The following USP32 variants were observed in gnomAD, a reference collection of about 807,000 sequenced individuals.
The protein encoded by USP32 is ubiquitin specific peptidase 32.
In USP32, 59 loss-of-function variants were observed where a neutral mutation model predicts 204.8. That is an observed-to-expected ratio of 0.29 (90% CI 0.23 to 0.36). USP32 has a LOEUF of 0.36. Ranked by LOEUF, USP32 falls within the 10% of genes least tolerant of loss-of-function variation. The pLI is 1.00. For missense variants in USP32, 1,160 were observed against 1,946.4 expected (o/e 0.60, Z 7.60); for synonymous variants, 517 against 678.4 (o/e 0.76, Z 3.70).
chr17:60,304,821 T>TTAATAAACTCTTATTTTTA (rs1200697936), intron 2 of USP32: 2 of 152,228 alleles, frequency 1.3e-5, no homozygotes, highest in Non-Finnish European at 2.9e-5. Flanking sequence ...ATTGACCTCA[T>TTAATAAACTCTTATTTTTA]TAATAAACTC....
intron 1 of USP32, among the ~76,000 whole-genome samples, chr17:60,401,256 G>C (rs1009652481): frequency 3.3e-5 from 5 of 152,062 alleles, no homozygotes; most frequent in Non-Finnish European, 7.4e-5. Context: ...TGTAGTCCCA[G>C]CTACTCAGGA....
intron 13 of USP32, among the ~76,000 whole-genome samples, chr17:60,225,123 A>C (rs2085350403): frequency 6.6e-6 from 1 of 152,232 alleles, no homozygotes; most frequent in African/African-American, 2.4e-5. Flanking sequence ...TAAATAATTT[A>C]ATAGCAATAG....
chr17:60,368,776 C>T (rs2089370634), intron 1 of USP32, among the ~76,000 whole-genome samples: 1 of 152,012 alleles, frequency 6.6e-6, no homozygotes, highest in Admixed American at 6.6e-5. Context: ...GAAATGGCAA[C>T]ATTATTAAGT....
intron 1 of USP32, among the ~76,000 whole-genome samples, chr17:60,350,895 A>AT (rs879406912): frequency 2.1e-4 from 32 of 149,052 alleles, no homozygotes; most frequent in South Asian, 1.3e-3. Context: ...AAGCTATTGA[A>AT]TTTTTTTTTT....
chr17:60,224,620 A>G (rs1043790132), intron 13 of USP32, among the ~76,000 whole-genome samples: 4 of 152,170 alleles, frequency 2.6e-5, no homozygotes, highest in African/African-American at 9.7e-5. Flanking sequence ...CGTCTCTACA[A>G]AACAATTAAA....
chr17:60,393,192 T>C (rs915029352), upstream of USP32, among the ~76,000 whole-genome samples: 1 of 152,194 alleles, frequency 6.6e-6, no homozygotes, highest in Non-Finnish European at 1.5e-5. Flanking sequence ...AAGTATTTCC[T>C]CTGAGTGGAA....
At chr17:60,240,434 G>A in intron 11 of USP32, among the ~76,000 whole-genome samples, 1 of 151,974 alleles carries the variant, frequency 6.6e-6, no homozygotes. Flanking sequence ...GCAGAAGTGG[G>A]GAGAGGGAGA....
Position 60,206,815 on chromosome 17 carries a change from G to A in USP32, c.3037+206C>T, listed in dbSNP as rs527749048. 2.0e-5 allele frequency among the ~76,000 whole-genome samples: 3 copies of A among 152,176 alleles called. No homozygotes were observed. In the South Asian group the frequency reaches 6.2e-4, roughly 32 times the overall value. The stretch of plus-strand genomic sequence containing the variant: ...GAATTCCAAGGGTATATTAGCTAAC[G>A]ACTACCTATCTAACTGAAGTCACTT... On this transcript the variant is annotated intron_variant, in intron 25 of 33. Coordinates refer to ENST00000300896, the MANE Select transcript of USP32 (RefSeq NM_032582.4).
intron 6 of USP32, 109 bp downstream of exon 6, chr17:60,271,241 A>T: frequency 1.4e-6 from 2 of 1,397,812 alleles, no homozygotes; most frequent in Non-Finnish European, 1.9e-6. Flanking sequence ...TAAACCTGCA[A>T]ACATATGAGA....
chr17:60,407,496 T>G (rs960781084), intron 1 of USP32, among the ~76,000 whole-genome samples: 1 of 152,182 alleles, frequency 6.6e-6, no homozygotes, highest in Non-Finnish European at 1.5e-5. Flanking sequence ...ACGCTAGAAC[T>G]GCTTAATGAA....
intron 2 of USP32, among the ~76,000 whole-genome samples, chr17:60,339,162 C>G (rs1425397352): frequency 6.6e-6 from 1 of 151,982 alleles, no homozygotes; most frequent in Non-Finnish European, 1.5e-5. Context: ...CTGCCCGTCT[C>G]AGCCTCCCAA....
intron 12 of USP32, among the ~76,000 whole-genome samples, chr17:60,231,934 T>C (rs1165319150): frequency 6.6e-6 from 1 of 152,098 alleles, no homozygotes; most frequent in East Asian, 1.9e-4. Flanking sequence ...AATCAGCAAA[T>C]CTGGGGTTAG....
At chr17:60,331,547 C>G (rs2145967636) in intron 2 of USP32, among the ~76,000 whole-genome samples, 1 of 149,006 alleles carries the variant, frequency 6.7e-6, no homozygotes, top group African/African-American at 2.5e-5. Flanking sequence ...GCCTGGCCAC[C>G]AGAGTAAGAC....
intron 1 of USP32, among the ~76,000 whole-genome samples, chr17:60,397,582 A>T (rs2089908545): frequency 6.6e-6 from 1 of 152,060 alleles, no homozygotes; most frequent in Non-Finnish European, 1.5e-5. Context: ...GGCTGGTCTC[A>T]AACTCCTGGA....
chr17:60,305,383 G>A (rs1160754387), intron 2 of USP32, among the ~76,000 whole-genome samples: 1 of 152,178 alleles, frequency 6.6e-6, no homozygotes, highest in Non-Finnish European at 1.5e-5. Flanking sequence ...AACTAATAGA[G>A]TGACAGCGCA....
intron 1 of USP32, among the ~76,000 whole-genome samples, chr17:60,351,436 GCTT>G (rs1402754031): frequency 6.9e-6 from 1 of 145,574 alleles, no homozygotes; most frequent in Non-Finnish European, 1.5e-5. Flanking sequence ...ACTATGCCAG[GCTT>G]CTTTTTTTTT....
intron 3 of USP32, 142 bp downstream of exon 3, chr17:60,301,457 G>A: frequency 1.9e-6 from 1 of 522,398 alleles, no homozygotes; most frequent in Non-Finnish European, 3.3e-6. Context: ...TAATTATGTT[G>A]CACATTTTTT....
chr17:60,186,543 C>A (rs1360293038), intron 29 of USP32, among the ~76,000 whole-genome samples: 1 of 152,198 alleles, frequency 6.6e-6, no homozygotes, highest in Non-Finnish European at 1.5e-5. Flanking sequence ...TCTGTCTCCT[C>A]CCTCATGGGG....
At chr17:60,362,370 G>A (rs750307720) in intron 1 of USP32, among the ~76,000 whole-genome samples, 9 of 152,160 alleles carry the variant, frequency 5.9e-5, no homozygotes, top group African/African-American at 1.4e-4. Flanking sequence ...GGAGAAATAC[G>A]CAAGTTGGAT....
Sources: allele counts gnomAD v4.1 joint callset (sites outside exome capture counted in the v4.1 genomes callset), GRCh38; gene constraint gnomAD v4.1.1; transcripts MANE v1.5; gene names NCBI Gene and HGNC (gene_info 2026-07-23, HGNC 2026-07-21).